Variants in PTPRG observed in about 807,000 individuals in gnomAD.
PTPRG encodes the protein protein tyrosine phosphatase receptor type G, also known as receptor-type tyrosine-protein phosphatase gamma.
In PTPRG, 102 loss-of-function variants were observed where a neutral mutation model predicts 165.3. That is an observed-to-expected ratio of 0.62 (90% confidence interval 0.53 to 0.73). The LOEUF (loss-of-function observed/expected upper bound fraction) is 0.73. Among genes scored for constraint, PTPRG ranks in the 30% least tolerant of loss-of-function variants. The pLI is 0.00. For synonymous variants in PTPRG, 675 were observed against 669.5 expected, an observed-to-expected ratio of 1.01 and a Z score of -0.13; for missense variants, 1,866 against 1,861.4, an observed-to-expected ratio of 1.00 and a Z score of -0.05.
intron 4 of PTPRG, among the ~76,000 whole-genome samples, chr3:62,040,894 G>A (rs183712249): frequency 6.6e-6 from 1 of 152,154 alleles, no homozygotes; most frequent in South Asian, 2.1e-4. Context: ...CAGCAGTTTT[G>A]CCATCTTTGG....
rs940732880 is a variant in PTPRG at position 61,561,585 on chromosome 3, A to G, written c.-703A>G. The G allele has an allele frequency of 1.3e-5, 2 of 152,208 alleles. No individual in the cohort carries two copies. The highest frequency in any genetic ancestry group is 2.9e-5 in the Non-Finnish European group (2 of 68,172). The allele number at this position is 152,208 out of a possible 1,614,324, so 9.4% of individuals were successfully genotyped here. ...TCCATGCTCACATGTTACTTCCTGT[A>G]TGGAGGCATGGCCAGTTTCCAGCCC... On this transcript the variant is annotated 5_prime_UTR_variant, in exon 1 of 30. It removes an upstream start codon present in the reference 5' UTR. Transcript: ENST00000474889.
chr3:61,958,155 C>G (rs2040075016), intron 2 of PTPRG, among the ~76,000 whole-genome samples: 1 of 151,810 alleles, frequency 6.6e-6, no homozygotes, highest in Non-Finnish European at 1.5e-5. Context: ...GAGACAGACT[C>G]TTACTCTGTT....
At chr3:61,867,664 C>T (rs556401125) in intron 2 of PTPRG, among the ~76,000 whole-genome samples, 11 of 152,254 alleles carry the variant, frequency 7.2e-5, no homozygotes, top group East Asian at 1.9e-4. Context: ...CTAAGCTCTT[C>T]ACCCTGTACC....
chr3:62,201,603 C>T (rs767251005), intron 11 of PTPRG, 49 bp downstream of exon 11: 1 of 1,584,654 alleles, frequency 6.3e-7, no homozygotes, highest in Admixed American at 1.7e-5. Flanking sequence ...TGTTAATTTG[C>T]TTGCAGTTAA....
chr3:62,151,778 A>G (rs1225623320), intron 6 of PTPRG, among the ~76,000 whole-genome samples: 1 of 152,122 alleles, frequency 6.6e-6, no homozygotes, highest in East Asian at 1.9e-4. Context: ...TGCACTGATC[A>G]GGATGGGCAT....
At chr3:61,798,620 T>G (rs778990848) in intron 2 of PTPRG, among the ~76,000 whole-genome samples, 7 of 32,534 alleles carry the variant, frequency 2.2e-4, no homozygotes, top group African/African-American at 9.6e-4. Flanking sequence ...TTGCTGCTGG[T>G]TTTTTTTTTT....
intron 1 of PTPRG, among the ~76,000 whole-genome samples, chr3:61,593,913 C>G (rs927640904): frequency 2.6e-5 from 4 of 152,202 alleles, no homozygotes; most frequent in African/African-American, 7.2e-5. Context: ...TCACAGCAAA[C>G]GAATTCTCTT....
intron 12 of PTPRG, among the ~76,000 whole-genome samples, chr3:62,215,052 T>C (rs1700463076): frequency 6.6e-6 from 1 of 152,168 alleles, no homozygotes; most frequent in Non-Finnish European, 1.5e-5. Context: ...TGGCTCAGCA[T>C]GGTCACTGAT....
chr3:61,565,039 C>T (rs1699873574), intron 1 of PTPRG, among the ~76,000 whole-genome samples: 1 of 152,200 alleles, frequency 6.6e-6, no homozygotes, highest in African/African-American at 2.4e-5. Flanking sequence ...TAGCCAAAAT[C>T]CCTTTTTATT....
chr3:62,263,611 G>A (rs1701766542), intron 17 of PTPRG: 1 of 152,334 alleles, frequency 6.6e-6, no homozygotes, highest in African/African-American at 2.4e-5. Flanking sequence ...ACATTACATA[G>A]AATTGTATAC....
At chr3:61,592,863 CTCAACTTGGGGCATGGCCCCA>C (rs1311156599) in intron 1 of PTPRG, among the ~76,000 whole-genome samples, 1 of 152,188 alleles carries the variant, frequency 6.6e-6, no homozygotes, top group African/African-American at 2.4e-5. Context: ...CCTTACTGGA[CTCAACTTGGGGCATGGCCCCA>C]TCCTTGACCT....
intron 28 of PTPRG, among the ~76,000 whole-genome samples, chr3:62,291,353 C>G (rs1430489165): frequency 6.6e-6 from 1 of 152,090 alleles, no homozygotes; most frequent in African/African-American, 2.4e-5. Flanking sequence ...CTACTCAGTA[C>G]CTATGCTAAA....
intron 1 of PTPRG, among the ~76,000 whole-genome samples, chr3:61,698,685 G>A (rs2030753239): frequency 6.6e-6 from 1 of 152,124 alleles, no homozygotes; most frequent in African/African-American, 2.4e-5. Flanking sequence ...GATCATATCT[G>A]TGGATATTTA....
rs1195891983 is a variant in PTPRG, at chr3:61,845,069, T to G, written c.190+96087T>G. 2.0e-5 allele frequency among the ~76,000 whole-genome samples: 3 copies of G among 152,234 alleles called. No individual in the cohort carries two copies. In the East Asian group the frequency reaches 5.8e-4, roughly 29 times the overall value. ...GTTTATCAATAAAGGGAAAATTGATTCATTCATTTTGTCATTCTCTTTCTT... is the reference window on the plus strand; with the variant it reads ...GTTTATCAATAAAGGGAAAATTGATGCATTCATTTTGTCATTCTCTTTCTT... On this transcript the variant is annotated intron_variant, in intron 2 of 29. Coordinates refer to ENST00000474889, the MANE Select transcript of PTPRG (RefSeq NM_002841.4).
At chr3:61,703,148 C>A (rs535894689) in intron 1 of PTPRG, among the ~76,000 whole-genome samples, 12 of 144,016 alleles carry the variant, frequency 8.3e-5, no homozygotes, top group Non-Finnish European at 1.7e-4. Flanking sequence ...GAAGTTGAAT[C>A]TTTTTTTTTT....
Position 62,002,454 on chromosome 3 carries a change from CA to C in PTPRG, c.371-888del, listed in dbSNP as rs200698946. Among the ~76,000 whole-genome samples the C allele has an allele frequency of 5.1e-3, 773 of 151,448 alleles. 3 individuals are homozygous for C. The highest frequency in any genetic ancestry group is 0.018 in the African/African-American group (733 of 41,364). ...ATGAATGAATCCACTTCTAGAGAAA[CA>C]AAAAAAGGGAATATATCTCTTGAAT... On this transcript the variant is annotated intron_variant, in intron 3 of 29. Transcript: ENST00000474889.
chr3:61,684,653 TGG>T (rs757656489), intron 1 of PTPRG, among the ~76,000 whole-genome samples: 6 of 152,184 alleles, frequency 3.9e-5, no homozygotes, highest in Non-Finnish European at 8.8e-5. Context: ...CCTCTGATCC[TGG>T]GGCATTTACA....
At chr3:61,686,342 TACTTACC>T (rs566439247) in intron 1 of PTPRG, among the ~76,000 whole-genome samples, 139 of 152,322 alleles carry the variant, frequency 9.1e-4, no homozygotes, top group Non-Finnish European at 1.5e-3. Flanking sequence ...AGCCCTCTGA[TACTTACC>T]ATTGTTCTCT....
At chr3:62,185,816 C>G (rs527532011) in intron 8 of PTPRG, among the ~76,000 whole-genome samples, 1 of 152,314 alleles carries the variant, frequency 6.6e-6, no homozygotes, top group South Asian at 2.1e-4. Context: ...CCCTCGTAAT[C>G]CTCACTGCAA....
Sources: allele counts gnomAD v4.1 joint callset (sites outside exome capture counted in the v4.1 genomes callset), GRCh38; gene constraint gnomAD v4.1.1; transcripts MANE v1.5; gene names NCBI Gene and HGNC (gene_info 2026-07-23, HGNC 2026-07-21).